CSMD1: variants seen among roughly 807,000 people sequenced by gnomAD.
CSMD1 encodes CUB and Sushi multiple domains 1.
Under a neutral mutation model 417.5 loss-of-function variants are expected in CSMD1, and 213 were observed. That is an observed-to-expected ratio of 0.51 (90% confidence interval 0.46 to 0.57). CSMD1 has a LOEUF of 0.57. CSMD1 is among the 20% of genes least tolerant of loss of function. The probability of loss-of-function intolerance (pLI) is 0.00; values close to 1 mark genes in which losing one functional copy is unlikely to be tolerated. For missense variants in CSMD1, 6,923 were observed against 4,529.7 expected, an observed-to-expected ratio of 1.53 and a Z score of -15.17; for synonymous variants, 2,862 against 1,736.8, an observed-to-expected ratio of 1.65 and a Z score of -16.11.
At chr8:4,428,388 T>C (rs538247000) in intron 2 of CSMD1, among the ~76,000 whole-genome samples, 240 of 152,316 alleles carry the variant, frequency 1.6e-3, no homozygotes, top group African/African-American at 5.4e-3. Context: ...GTTATCTTCC[T>C]TGTAAGCTGT....
intron 5 of CSMD1, among the ~76,000 whole-genome samples, chr8:3,827,287 C>G (rs898232418): frequency 6.6e-6 from 1 of 152,114 alleles, no homozygotes; most frequent in Non-Finnish European, 1.5e-5. Context: ...TACATTTGAA[C>G]CACATGTGGT....
At chr8:4,939,155 G>C (rs916802777) in intron 1 of CSMD1, among the ~76,000 whole-genome samples, 2 of 152,042 alleles carry the variant, frequency 1.3e-5, no homozygotes, top group African/African-American at 4.8e-5. Flanking sequence ...CCATTCATTT[G>C]TCTATTTTTG....
chr8:4,189,701 T>TGAAA (rs1798900108), intron 3 of CSMD1, among the ~76,000 whole-genome samples: 2 of 152,174 alleles, frequency 1.3e-5, no homozygotes, highest in Non-Finnish European at 2.9e-5. Context: ...TGTTGAGAAT[T>TGAAA]AATTTTTCAT....
At chr8:3,420,672 A>G (rs1287642923) in intron 12 of CSMD1, among the ~76,000 whole-genome samples, 1 of 152,210 alleles carries the variant, frequency 6.6e-6, no homozygotes, top group Non-Finnish European at 1.5e-5. Flanking sequence ...GTTCTGGTTA[A>G]AAATTAGTCA....
intron 20 of CSMD1, among the ~76,000 whole-genome samples, chr8:3,364,871 A>G (rs1809450070): frequency 6.6e-6 from 1 of 152,228 alleles, no homozygotes; most frequent in Non-Finnish European, 1.5e-5. Context: ...AAACAGACTA[A>G]GACAGTAGTC....
chr8:4,773,796 C>T (rs1040578417), intron 1 of CSMD1, among the ~76,000 whole-genome samples: 1 of 152,178 alleles, frequency 6.6e-6, no homozygotes, highest in Admixed American at 6.5e-5. Flanking sequence ...ATCTACATGC[C>T]ATGTCATAAA....
chr8:3,648,859 G>A (rs1383627821), intron 7 of CSMD1, among the ~76,000 whole-genome samples: 4 of 152,146 alleles, frequency 2.6e-5, no homozygotes, highest in East Asian at 3.9e-4. Flanking sequence ...GTTACCAAGT[G>A]TGACTCAGTT....
chr8:4,357,997 C>T (rs1801527657), intron 3 of CSMD1, among the ~76,000 whole-genome samples: 1 of 152,008 alleles, frequency 6.6e-6, no homozygotes, highest in Non-Finnish European at 1.5e-5. Flanking sequence ...TAAACATCTC[C>T]CTCCCCTTCC....
intron 2 of CSMD1, among the ~76,000 whole-genome samples, chr8:4,504,768 T>G (rs1199312145): frequency 6.6e-6 from 1 of 152,146 alleles, no homozygotes; most frequent in African/African-American, 2.4e-5. Flanking sequence ...TTGCTGAGAA[T>G]GATGGTTTCC....
At position 2,955,643 on chromosome 8, in the gene CSMD1, G is replaced by A; in HGVS notation, c.9940C>T (p.His3314Tyr). The change falls in exon 64 of 70, where the codon CAC becomes TAC. Residue 3314 changes from histidine (H) to tyrosine (Y), a missense_variant. Transcript: ENST00000635120. Reference protein sequence around the residue: ...PGFFLAGGSEHRTCKADMKWT... With the variant: ...PGFFLAGGSEYRTCKADMKWT... ...TTCATGTCTGCTTTACATGTTCTGTGCTCAGATCCCCCTGCGAGGAAAAAG... is the reference window on the plus strand; with the variant it reads ...TTCATGTCTGCTTTACATGTTCTGTACTCAGATCCCCCTGCGAGGAAAAAG... 5 of 1,613,850 alleles carry A rather than the reference G, an allele frequency of 3.1e-6. No individual in the cohort carries two copies. The highest frequency in any genetic ancestry group is 4.2e-6 in the Non-Finnish European group (5 of 1,179,836).
chr8:4,311,217 C>A (rs1798545029), intron 3 of CSMD1, among the ~76,000 whole-genome samples: 1 of 152,128 alleles, frequency 6.6e-6, no homozygotes, highest in Admixed American at 6.5e-5. Context: ...CATTATAGCA[C>A]CGTTCACAAC....
rs200256566 is a variant in CSMD1 at position 4,672,667 on chromosome 8, T to C, written c.86-35109A>G. On this transcript the variant is annotated intron_variant, in intron 1 of 69. Coordinates refer to ENST00000635120, the MANE Select transcript of CSMD1 (RefSeq NM_033225.6). ...ATAATGCCAGGTGCTTGAAAAAGTT[T>C]TGGGAGAAAGGGGAGAAAGGAAGTA... Among the ~76,000 whole-genome samples, 302 of 150,330 alleles carry C rather than the reference T, an allele frequency of 2.0e-3. 2 individuals are homozygous for C. In the East Asian group the frequency reaches 0.022, roughly 11 times the overall value.
intron 1 of CSMD1, among the ~76,000 whole-genome samples, chr8:4,933,074 T>C (rs1215741856): frequency 2.0e-5 from 3 of 147,204 alleles, no homozygotes; most frequent in Non-Finnish European, 3.1e-5. Context: ...AATAGCACTT[T>C]CTTTTGCGGC....
At chr8:3,477,920 G>A (rs745436284) in intron 11 of CSMD1, among the ~76,000 whole-genome samples, 2 of 152,186 alleles carry the variant, frequency 1.3e-5, no homozygotes, top group Admixed American at 6.5e-5. Context: ...GCAGGAATCT[G>A]ATTTATAAAT....
Position 4,916,824 on chromosome 8 carries a change from A to G in CSMD1, c.85+77508T>C, listed in dbSNP as rs146931165. ...TATATTAAAAGTAGATAATGCATTC[A>G]ACAGAATCCCTGAGAATATTTTACT... is the stretch of plus-strand genomic sequence containing the variant. On this transcript the variant is annotated intron_variant, in intron 1 of 69. Coordinates refer to ENST00000635120, the MANE Select transcript of CSMD1 (RefSeq NM_033225.6). Among the ~76,000 whole-genome samples the G allele has an allele frequency of 4.8e-3, 733 of 152,358 alleles. 5 individuals are homozygous for G. The highest frequency in any genetic ancestry group is 0.017 in the African/African-American group (695 of 41,586).
chr8:4,467,570 GAAAC>G (rs1283146648), intron 2 of CSMD1, among the ~76,000 whole-genome samples: 1 of 152,080 alleles, frequency 6.6e-6, no homozygotes, highest in Non-Finnish European at 1.5e-5. Context: ...GTTATTTTAA[GAAAC>G]AAATATTTTC....
intron 3 of CSMD1, among the ~76,000 whole-genome samples, chr8:4,088,058 A>G (rs1312262963): frequency 6.6e-6 from 1 of 152,188 alleles, no homozygotes; most frequent in African/African-American, 2.4e-5. Context: ...ATGACCTTTG[A>G]CAATCACAGT....
intron 2 of CSMD1, among the ~76,000 whole-genome samples, chr8:4,490,932 G>A (rs1401542760): frequency 6.6e-6 from 1 of 152,196 alleles, no homozygotes; most frequent in Non-Finnish European, 1.5e-5. Flanking sequence ...GAGTGGATAA[G>A]GGAGAGTTTT....
At chr8:4,044,431 C>G (rs904241842) in intron 3 of CSMD1, among the ~76,000 whole-genome samples, 1 of 152,090 alleles carries the variant, frequency 6.6e-6, no homozygotes, top group Non-Finnish European at 1.5e-5. Flanking sequence ...CTCTAAAATT[C>G]TTTACCATAA....
Sources: allele counts gnomAD v4.1 joint callset (sites outside exome capture counted in the v4.1 genomes callset), GRCh38; gene constraint gnomAD v4.1.1; transcripts MANE v1.5; gene names NCBI Gene and HGNC (gene_info 2026-07-23, HGNC 2026-07-21).